KCNJ3: variants seen among roughly 807,000 people sequenced by gnomAD.
KCNJ3 encodes G protein-activated inward rectifier potassium channel 1.
KCNJ3 carries 4 observed loss-of-function variants against 39.2 expected under a neutral mutation model. That is an observed-to-expected ratio of 0.10 (90% CI 0.05 to 0.23). The LOEUF is 0.23. Ranked by LOEUF, KCNJ3 falls within the 10% of genes least tolerant of loss-of-function variation. KCNJ3 has a pLI of 1.00. For missense variants in KCNJ3, 276 were observed against 634.9 expected (o/e 0.43, Z 6.08); for synonymous variants, 230 against 237.4 (o/e 0.97, Z 0.29).
rs908779133 is a variant in KCNJ3, at chr2:154,857,033, T to C, written c.*1720T>C. ...AATTAATACATCAACACTTAAATCA[T>C]TGACTATAATAATACCTTCTGGCTA... On this transcript the variant is annotated 3_prime_UTR_variant, in exon 3 of 3. Coordinates refer to ENST00000295101, the MANE Select transcript of KCNJ3 (RefSeq NM_002239.4). 5 of 152,168 alleles carry C rather than the reference T, an allele frequency of 3.3e-5. No individual in the cohort carries two copies. The East Asian group carries it at 5.8e-4, about 18-fold the overall frequency. 9.4% of individuals were successfully genotyped at this position (152,168 alleles called of 1,614,324 possible).
At chr2:154,762,778 A>T (rs187391800) in intron 2 of KCNJ3, among the ~76,000 whole-genome samples, 2 of 152,202 alleles carry the variant, frequency 1.3e-5, no homozygotes, top group Non-Finnish European at 2.9e-5. Flanking sequence ...ATGACAATGG[A>T]TGTGAGACTC....
chr2:154,759,247 TTG>T (rs983032931), intron 2 of KCNJ3, among the ~76,000 whole-genome samples: 2 of 152,160 alleles, frequency 1.3e-5, no homozygotes, highest in African/African-American at 2.4e-5. Flanking sequence ...CTTATTATTT[TTG>T]TGTGTGTAGT....
At chr2:154,836,220 A>C (rs775674285) in intron 2 of KCNJ3, among the ~76,000 whole-genome samples, 1,025 of 69,314 alleles carry the variant, frequency 0.015, 22 homozygotes, top group African/African-American at 0.038. Flanking sequence ...AAAAAAAAAC[A>C]AAAAAAAACA....
At chr2:154,742,100 T>A (rs1320148573) in intron 2 of KCNJ3, among the ~76,000 whole-genome samples, 1 of 151,902 alleles carries the variant, frequency 6.6e-6, no homozygotes, top group African/African-American at 2.4e-5. Context: ...TTATTTTAAC[T>A]ACTCTAAGTA....
At chr2:154,761,579 G>A (rs1686047459) in intron 2 of KCNJ3, among the ~76,000 whole-genome samples, 1 of 152,128 alleles carries the variant, frequency 6.6e-6, no homozygotes, top group Admixed American at 6.6e-5. Context: ...ATCCTAATGT[G>A]TTTTTTAATT....
At chr2:154,728,222 G>A (rs1431181621) in intron 2 of KCNJ3, among the ~76,000 whole-genome samples, 3 of 151,994 alleles carry the variant, frequency 2.0e-5, no homozygotes, top group Admixed American at 6.6e-5. Context: ...TACTCTTAAT[G>A]ATAGTGTGGT....
chr2:154,820,590 C>T (rs1373222673), intron 2 of KCNJ3, among the ~76,000 whole-genome samples: 2 of 152,006 alleles, frequency 1.3e-5, no homozygotes, highest in Non-Finnish European at 2.9e-5. Flanking sequence ...GTATTGTGAA[C>T]AAAAGTTCTC....
At chr2:154,764,355 C>A (rs569043923) in intron 2 of KCNJ3, among the ~76,000 whole-genome samples, 6 of 152,274 alleles carry the variant, frequency 3.9e-5, no homozygotes, top group Admixed American at 3.9e-4. Flanking sequence ...CCAACACAAC[C>A]ATGGTATGGC....
At chr2:154,839,705 T>C (rs1687540428) in intron 2 of KCNJ3, among the ~76,000 whole-genome samples, 1 of 152,234 alleles carries the variant, frequency 6.6e-6, no homozygotes, top group Non-Finnish European at 1.5e-5. Flanking sequence ...CATTTTTTCA[T>C]ATGTTTGTTG....
At chr2:154,810,147 A>T (rs929528002) in intron 2 of KCNJ3, among the ~76,000 whole-genome samples, 1 of 152,060 alleles carries the variant, frequency 6.6e-6, no homozygotes, top group Non-Finnish European at 1.5e-5. Context: ...GCAGTGGCAT[A>T]ATCTCGGCTC....
Position 154,855,403 on chromosome 2 carries a change from G to C in KCNJ3, c.*90G>C. 4 of 891,550 alleles carry C rather than the reference G, an allele frequency of 4.5e-6. No individual in the cohort carries two copies. The highest frequency in any genetic ancestry group is 6.8e-6 in the Non-Finnish European group (4 of 592,440). The allele number at this position is 891,550 out of a possible 1,614,324, so 55.2% of individuals were successfully genotyped here. On this transcript the variant is annotated 3_prime_UTR_variant, in exon 3 of 3. Transcript: ENST00000295101. ...GTAATTCTCCCTAAGGAATCTGAAAGTATATTTTCCTCCCAGTTCTACAAG... is the reference window on the plus strand; with the variant it reads ...GTAATTCTCCCTAAGGAATCTGAAACTATATTTTCCTCCCAGTTCTACAAG...
At chr2:154,835,627 G>A (rs1687446926) in intron 2 of KCNJ3, among the ~76,000 whole-genome samples, 1 of 151,702 alleles carries the variant, frequency 6.6e-6, no homozygotes. Flanking sequence ...TGATTCCTAA[G>A]AGTATATGGC....
At chr2:154,738,236 C>T (rs989377698) in intron 2 of KCNJ3, among the ~76,000 whole-genome samples, 2 of 151,820 alleles carry the variant, frequency 1.3e-5, no homozygotes, top group African/African-American at 2.4e-5. Context: ...CAATTGAACT[C>T]AAGGAGATAG....
rs189193095 is a variant in KCNJ3, at chr2:154,715,526, A to C, written c.919+5707A>C. ...CACTTTAATCCATAGTTTTTCTTCA[A>C]TACCTCATTAAAACAAAACTTTTAC... On this transcript the variant is annotated intron_variant, in intron 2 of 2. Transcript: ENST00000295101. 2.3e-3 allele frequency among the ~76,000 whole-genome samples: 357 copies of C among 152,342 alleles called. 2 individuals are homozygous for C. The highest frequency in any genetic ancestry group is 8.2e-3 in the African/African-American group (340 of 41,572).
intron 2 of KCNJ3, among the ~76,000 whole-genome samples, chr2:154,799,950 G>A (rs553304169): frequency 6.6e-6 from 1 of 152,170 alleles, no homozygotes; most frequent in Non-Finnish European, 1.5e-5. Flanking sequence ...AAGTAGAACC[G>A]AGTGGGATCT....
At chr2:154,817,255 C>T (rs1316949933) in intron 2 of KCNJ3, among the ~76,000 whole-genome samples, 3 of 152,170 alleles carry the variant, frequency 2.0e-5, no homozygotes, top group African/African-American at 7.2e-5. Context: ...TTTATTTCAT[C>T]ACAGTGTTGG....
chr2:154,852,638 A>T (rs556142650), intron 2 of KCNJ3, among the ~76,000 whole-genome samples: 2 of 152,042 alleles, frequency 1.3e-5, no homozygotes, highest in African/African-American at 4.8e-5. Flanking sequence ...TTTATCTTTA[A>T]ATTTCTCAAA....
chr2:154,729,528 T>A (rs549927145), intron 2 of KCNJ3, among the ~76,000 whole-genome samples: 1 of 152,282 alleles, frequency 6.6e-6, no homozygotes, highest in East Asian at 1.9e-4. Context: ...TAACTCCTAG[T>A]TGATTTAGGC....
At chr2:154,768,177 G>A (rs188330637) in intron 2 of KCNJ3, among the ~76,000 whole-genome samples, 65 of 152,292 alleles carry the variant, frequency 4.3e-4, no homozygotes, top group South Asian at 1.4e-3. Flanking sequence ...CTGTGCAGAA[G>A]CTCTTTAGTT....
Sources: allele counts gnomAD v4.1 joint callset (sites outside exome capture counted in the v4.1 genomes callset), GRCh38; gene constraint gnomAD v4.1.1; transcripts MANE v1.5; gene names NCBI Gene and HGNC (gene_info 2026-07-23, HGNC 2026-07-21).